Variants in JAG2 observed in about 807,000 individuals in gnomAD.
JAG2 encodes the protein jagged canonical Notch ligand 2.
In JAG2, 46 loss-of-function variants were observed where a neutral mutation model predicts 141.7. The ratio of observed to expected loss-of-function variants is 0.32; its 90% confidence interval spans 0.26 to 0.42. JAG2 has a LOEUF of 0.42. JAG2 is among the 10% of genes least tolerant of loss of function. JAG2 has a pLI of 1.00. For missense variants in JAG2, 1,500 were observed against 1,817.5 expected (o/e 0.83, Z 3.18); for synonymous variants, 862 against 763.5 (o/e 1.13, Z -2.13).
chr14:105,162,650 C>T (rs1435315422), intron 2 of JAG2, among the ~76,000 whole-genome samples: 6 of 146,028 alleles, frequency 4.1e-5, no homozygotes, highest in African/African-American at 1.1e-4. Context: ...CCCCAAGGTC[C>T]AGGGCACCTT....
At chr14:105,156,134 G>C in intron 3 of JAG2, 145 bp from the exon 4 acceptor site, 1 of 1,094,832 alleles carries the variant, frequency 9.1e-7, no homozygotes, top group Non-Finnish European at 1.3e-6. Context: ...CAGGGCCCCC[G>C]GCCAGGCTGC....
chr14:105,147,677 A>C, intron 18 of JAG2, 95 bp downstream of exon 18: 1 of 832,266 alleles, frequency 1.2e-6, no homozygotes, highest in Non-Finnish European at 1.8e-6. Flanking sequence ...CAGCAGGGGG[A>C]GGGGCTGGCA....
rs200598596 is a variant in JAG2, at chr14:105,157,782, G to A, written c.418-19C>T. 1.3e-4 allele frequency: 203 copies of A among 1,562,630 alleles called. 1 individual carries two copies. The East Asian group carries it at 2.4e-3, about 19-fold the overall frequency. On this transcript the variant is annotated intron_variant, in intron 2 of 25. Coordinates refer to ENST00000331782, the MANE Select transcript of JAG2 (RefSeq NM_002226.5). ...AGGAGCGCTGCAGACATGGGGAGGC[G>A]GGTCAGGTACCTGAGGCCACACCTG...
intron 2 of JAG2, among the ~76,000 whole-genome samples, chr14:105,159,065 G>T (rs903147034): frequency 6.6e-6 from 1 of 151,694 alleles, no homozygotes; most frequent in Non-Finnish European, 1.5e-5. Flanking sequence ...GCACTCCCAC[G>T]TCCAGCCCCT....
At position 105,151,847 on chromosome 14, in the gene JAG2, A is replaced by G. The variant is rs587614311; in HGVS notation, c.1039+91T>C. The G allele has an allele frequency of 2.0e-4, 323 of 1,607,188 alleles. 1 individual carries two copies. The highest frequency in any genetic ancestry group is 1.1e-3 in the Middle Eastern group (6 of 5,576). On this transcript the variant is annotated intron_variant, in intron 7 of 25. Transcript: ENST00000331782. ...CCAAGCTGGGGGTCAGGGGCCCACC[A>G]CACAGGACGCCAGAGGGATGGGGCC...
rs1888128409 is a variant in JAG2, at chr14:105,143,516, C to T, written c.3207G>A (p.Lys1069=). 1 of 1,577,202 alleles carries T rather than the reference C, an allele frequency of 6.3e-7. No individual in the cohort carries two copies. The highest frequency in any genetic ancestry group is 1.2e-5 in the South Asian group (1 of 86,216). The part of the protein sequence containing the change: ...SSLLLAVTEV[K]VETVVTGGSS... ...AGCCGCCCGTAACAACCGTCTCCAC[C>T]TTGACCTCGGTGACAGCCAGGAGCA... Residue 1069 remains lysine (K), a synonymous_variant, in exon 25 of 26, where the codon AAG becomes AAA. Transcript: ENST00000331782.
intron 1 of JAG2, 27 bp downstream of exon 1, chr14:105,168,328 C>T (rs1888987617): frequency 2.6e-6 from 2 of 770,784 alleles, no homozygotes; most frequent in Non-Finnish European, 1.6e-6. Context: ...CGTCCGCGAC[C>T]CCCGCCGCCC....
At chr14:105,157,601 C>A in intron 3 of JAG2, 105 bp downstream of exon 3, 1 of 1,118,760 alleles carries the variant, frequency 8.9e-7, no homozygotes, top group Non-Finnish European at 1.3e-6. Context: ...ACACATGATC[C>A]TCAGGGTAAA....
chr14:105,168,769 A>G lies in JAG2; in HGVS notation c.-349T>C. 2 of 168,436 alleles carry G rather than the reference A, an allele frequency of 1.2e-5. No homozygotes were observed. The highest frequency in any genetic ancestry group is 1.2e-5 in the Non-Finnish European group (1 of 80,610). The allele number at this position is 168,436 out of a possible 1,614,324, so 10.4% of individuals were successfully genotyped here. A position where few individuals can be genotyped will look rare whatever the true frequency, so the allele number is the denominator to read the frequency against. On this transcript the variant is annotated 5_prime_UTR_variant, in exon 1 of 26. Transcript: ENST00000331782. ...CGGCACCGCAGCCAACAAGTTCGGAACGAGACTGACAGCTCGCTCGCCCAT... is the reference window on the plus strand; with the variant it reads ...CGGCACCGCAGCCAACAAGTTCGGAGCGAGACTGACAGCTCGCTCGCCCAT...
intron 18 of JAG2, 40 bp from the exon 19 acceptor site, chr14:105,147,567 C>A (rs1208418445): frequency 1.3e-6 from 2 of 1,597,320 alleles, no homozygotes; most frequent in Non-Finnish European, 1.7e-6. Context: ...CAGTACCCAC[C>A]CCCCAAGCGT....
intron 3 of JAG2, among the ~76,000 whole-genome samples, chr14:105,156,384 C>T (rs908817850): frequency 3.3e-5 from 5 of 152,130 alleles, no homozygotes; most frequent in African/African-American, 9.7e-5. Context: ...CCACCTGCGC[C>T]GTGTCCAGCC....
intron 25 of JAG2, 126 bp from the exon 26 acceptor site, chr14:105,143,296 T>C (rs2081166233): frequency 7.5e-7 from 1 of 1,328,160 alleles, no homozygotes; most frequent in African/African-American, 1.5e-5. Context: ...GGTTGCTGGC[T>C]CGTGGGGAGG....
intron 2 of JAG2, among the ~76,000 whole-genome samples, chr14:105,165,823 C>T (rs761400782): frequency 2.0e-4 from 30 of 152,252 alleles, no homozygotes; most frequent in Admixed American, 1.1e-3. Flanking sequence ...GGCTGAAACC[C>T]CTCCTCAGGT....
Position 105,142,732 on chromosome 14 carries a change from C to G in JAG2, c.3680G>C (p.Arg1227Thr), listed in dbSNP as rs750514312. The stretch of plus-strand genomic sequence containing the variant: ...GGCGTAGCGGGCCTCATTGATGCTC[C>G]TGACCGCGCGGTTGTCCACTTTGGG... Reference protein sequence around the residue: ...SGPKVDNRAVRSINEARYAGK... With the variant: ...SGPKVDNRAVTSINEARYAGK... The change falls in exon 26 of 26, where the codon AGG (arginine) becomes ACG (threonine). Residue 1227 changes from arginine to threonine, a missense_variant. By Grantham distance (71) the Arg-to-Thr change is moderately conservative (BLOSUM62 -1). This residue lies in a region of JAG2 where 425 missense variants were observed against 441.0 expected (regional missense o/e 0.96). Coordinates refer to ENST00000331782, the MANE Select transcript of JAG2 (RefSeq NM_002226.5). 2.5e-6 allele frequency: 4 copies of G among 1,608,400 alleles called. No individual in the cohort carries two copies. The Admixed American group carries it at 6.7e-5, about 27-fold the overall frequency.
chr14:105,157,485 G>T (rs923711497), intron 3 of JAG2, among the ~76,000 whole-genome samples: 2 of 152,208 alleles, frequency 1.3e-5, no homozygotes, highest in African/African-American at 4.8e-5. Context: ...CCCAAGAGGA[G>T]AACAACATAG....
At chr14:105,149,484 T>C (rs1013709927) in intron 12 of JAG2, among the ~76,000 whole-genome samples, 164 bp from the exon 13 acceptor site, 3 of 151,740 alleles carry the variant, frequency 2.0e-5, no homozygotes, top group Non-Finnish European at 2.9e-5. Flanking sequence ...CACCTGAGAC[T>C]GCCCAGGCCT....
rs1888257842 is a variant in JAG2, at chr14:105,147,411, G to A, written c.2394C>T (p.Cys798=). The change falls in exon 20 of 26, where the codon TGC becomes TGT. Residue 798 remains cysteine (C), a splice_region_variant and synonymous_variant. Transcript: ENST00000331782. ...HNTNDCNPLP[C]YNGGICVDGV... Reference sequence around the variant, plus strand: ...CGTCAACACAGATGCCACCATTGTAGCTGCAGAGCAGAGGGTGGGCATCAG... The same window carrying A: ...CGTCAACACAGATGCCACCATTGTAACTGCAGAGCAGAGGGTGGGCATCAG... The A allele has an allele frequency of 6.2e-7, 1 of 1,610,182 alleles. No individual in the cohort carries two copies. Among genetic ancestry groups the A allele is most frequent in the Non-Finnish European group, 8.5e-7 (1 of 1,178,824 alleles).
chr14:105,156,393 C>G (rs1264247393), intron 3 of JAG2, among the ~76,000 whole-genome samples: 1 of 152,168 alleles, frequency 6.6e-6, no homozygotes, highest in Non-Finnish European at 1.5e-5. Flanking sequence ...CCGTGTCCAG[C>G]CCTCGACAGC....
In JAG2 at chr14:105,141,905, G is replaced by A. The variant is rs370622006; in HGVS notation, c.*790C>T. 6.6e-5 allele frequency: 10 copies of A among 152,640 alleles called. No individual in the cohort carries two copies. The highest frequency in any genetic ancestry group is 1.7e-4 in the African/African-American group (7 of 41,468). The allele number at this position is 152,640 out of a possible 1,614,324, so 9.5% of individuals were successfully genotyped here. Reference sequence around the variant, plus strand: ...GGGTCTGTGTGAAGGCACTTGTCACGAGCTTCAATACTGCCGCCGTCCCAG... The same window carrying A: ...GGGTCTGTGTGAAGGCACTTGTCACAAGCTTCAATACTGCCGCCGTCCCAG... On this transcript the variant is annotated 3_prime_UTR_variant, in exon 26 of 26. Transcript: ENST00000331782.
Sources: allele counts gnomAD v4.1 joint callset (sites outside exome capture counted in the v4.1 genomes callset), GRCh38; gene constraint gnomAD v4.1.1; regional missense constraint gnomAD v4.1.1; transcripts MANE v1.5; gene names NCBI Gene and HGNC (gene_info 2026-07-23, HGNC 2026-07-21).